Variants in FGF1 observed in about 807,000 individuals in gnomAD.
FGF1 encodes the protein beta-endothelial cell growth factor.
In FGF1, 9 loss-of-function variants were observed where a neutral mutation model predicts 13.4. The observed-to-expected ratio is 0.67, with a 90% CI of 0.40 to 1.17. FGF1 has a LOEUF of 1.17. Among genes scored for constraint, FGF1 ranks in the 50% most tolerant of loss-of-function variants. The pLI is 0.01. For missense variants in FGF1, 156 were observed against 192.7 expected (o/e 0.81, Z 1.13); for synonymous variants, 93 against 79.0 (o/e 1.18, Z -0.94).
intron 2 of FGF1, among the ~76,000 whole-genome samples, chr5:142,606,212 C>CTGTGTGTG (rs1430289422): frequency 0.011 from 677 of 60,062 alleles, 10 homozygotes; most frequent in African/African-American, 0.059. Flanking sequence ...AACATTCTTT[C>CTGTGTGTG]TCTCTCTGTG....
At position 142,595,249 on chromosome 5, in the gene FGF1, CGAAACTTCTCTGGAG is replaced by C. The variant is rs779013111; in HGVS notation, c.*26_*40del. Reference sequence around the variant, plus strand: ...TTGGGTCAACCAGGTGAGGACCCCTCGAAACTTCTCTGGAGTGGTCAACACCCAGAACAGATCTCT... The same window carrying C: ...TTGGGTCAACCAGGTGAGGACCCCTCTGGTCAACACCCAGAACAGATCTCT... On this transcript the variant is annotated 3_prime_UTR_variant, in exon 4 of 4. Coordinates refer to ENST00000337706, the MANE Select transcript of FGF1 (RefSeq NM_000800.5). The C allele has an allele frequency of 6.4e-7, 1 of 1,574,760 alleles. No individual in the cohort carries two copies. The highest frequency in any genetic ancestry group is 1.2e-5 in the South Asian group (1 of 85,452).
intron 1 of FGF1, among the ~76,000 whole-genome samples, chr5:142,655,280 T>A (rs1184652138): frequency 6.6e-6 from 1 of 152,208 alleles, no homozygotes; most frequent in Non-Finnish European, 1.5e-5. Flanking sequence ...TAACACTGCC[T>A]AGGTATCACA....
intron 1 of FGF1, among the ~76,000 whole-genome samples, chr5:142,637,315 G>A (rs905110080): frequency 3.5e-5 from 4 of 114,384 alleles, no homozygotes; most frequent in African/African-American, 7.2e-5. Flanking sequence ...GAAGAACCAC[G>A]GCGTTTTTGT....
rs1034583798 is a variant in FGF1 at position 142,593,578 on chromosome 5, T to C, written c.*1712A>G. 1 of 152,214 alleles carries C rather than the reference T, an allele frequency of 6.6e-6. No individual in the cohort carries two copies. The highest frequency in any genetic ancestry group is 1.5e-5 in the Non-Finnish European group (1 of 68,046). 9.4% of individuals were successfully genotyped at this position (152,214 alleles called of 1,614,324 possible). A position where few individuals can be genotyped will look rare whatever the true frequency, so the allele number is the denominator to read the frequency against. On this transcript the variant is annotated 3_prime_UTR_variant, in exon 4 of 4. Transcript: ENST00000337706. ...GAGCTAACACTCTCATCAATTTTTATTCACAATTACCATTGCTTAAGAGTT... is the reference window on the plus strand; with the variant it reads ...GAGCTAACACTCTCATCAATTTTTACTCACAATTACCATTGCTTAAGAGTT...
At chr5:142,618,920 A>AT (rs1561571080) in intron 1 of FGF1, among the ~76,000 whole-genome samples, 4 of 97,054 alleles carry the variant, frequency 4.1e-5, no homozygotes, top group East Asian at 3.8e-4. Flanking sequence ...TTTATTTTTT[A>AT]GTTGTTTTGT....
chr5:142,623,197 A>G (rs1761927647), intron 1 of FGF1, among the ~76,000 whole-genome samples: 1 of 152,198 alleles, frequency 6.6e-6, no homozygotes, highest in Non-Finnish European at 1.5e-5. Flanking sequence ...TAAATGACTC[A>G]TTCTCACAGT....
intron 1 of FGF1, among the ~76,000 whole-genome samples, chr5:142,633,951 G>A (rs1375664842): frequency 1.3e-5 from 2 of 151,678 alleles, no homozygotes; most frequent in African/African-American, 2.4e-5. Flanking sequence ...TTGGGAGGCC[G>A]AGACGGGCGG....
intron 1 of FGF1, among the ~76,000 whole-genome samples, chr5:142,658,286 T>C (rs1768533770): frequency 6.6e-6 from 1 of 152,258 alleles, no homozygotes; most frequent in Admixed American, 6.5e-5. Flanking sequence ...GCCTTATCCA[T>C]GGCAATTGCT....
At chr5:142,613,831 T>G in intron 2 of FGF1, 128 bp downstream of exon 2, 6 of 980,754 alleles carry the variant, frequency 6.1e-6, no homozygotes, top group Non-Finnish European at 8.9e-6. Flanking sequence ...TGACTCCACC[T>G]CTGAATGTGT....
intron 2 of FGF1, among the ~76,000 whole-genome samples, chr5:142,696,108 A>C (rs6876887): frequency 0.21 from 32,012 of 152,098 alleles, 5,305 homozygotes; most frequent in African/African-American, 0.46. Flanking sequence ...ACAGACAAGC[A>C]TCCTGCTGTC....
At chr5:142,696,597 G>A (rs146013026) in intron 2 of FGF1, among the ~76,000 whole-genome samples, 2 of 152,200 alleles carry the variant, frequency 1.3e-5, no homozygotes, top group East Asian at 3.8e-4. Context: ...CAATGGGCAG[G>A]TCTTCCTGGA....
intron 2 of FGF1, chr5:142,601,173 C>T: frequency 2.0e-6 from 1 of 499,298 alleles, no homozygotes; most frequent in Non-Finnish European, 4.0e-6. Flanking sequence ...CGGGCTCCCT[C>T]ATCCCTGCAA....
At chr5:142,615,329 T>A (rs954868958) in intron 1 of FGF1, among the ~76,000 whole-genome samples, 2 of 152,118 alleles carry the variant, frequency 1.3e-5, no homozygotes, top group African/African-American at 2.4e-5. Flanking sequence ...GTTCAAGCAA[T>A]TCTCCTGCCT....
At chr5:142,660,320 G>T (rs143399666) in intron 1 of FGF1, among the ~76,000 whole-genome samples, 351 of 152,380 alleles carry the variant, frequency 2.3e-3, no homozygotes, top group African/African-American at 7.9e-3. Flanking sequence ...CCCCGGCACA[G>T]GGTCTCCAGC....
At chr5:142,607,853 AG>A (rs1464940722) in intron 2 of FGF1, among the ~76,000 whole-genome samples, 1 of 152,160 alleles carries the variant, frequency 6.6e-6, no homozygotes, top group African/African-American at 2.4e-5. Context: ...ACCTACATAA[AG>A]GGGAGCCCAG....
At chr5:142,601,859 T>C (rs1756637747) in intron 2 of FGF1, among the ~76,000 whole-genome samples, 1 of 152,236 alleles carries the variant, frequency 6.6e-6, no homozygotes, top group Admixed American at 6.5e-5. Flanking sequence ...GTCCATTTGA[T>C]AATTATTAAC....
At chr5:142,694,107 C>G (rs1013292243) in intron 2 of FGF1, among the ~76,000 whole-genome samples, 2 of 150,574 alleles carry the variant, frequency 1.3e-5, no homozygotes, top group East Asian at 2.0e-4. Context: ...ATCTATCTAT[C>G]TATCTATCTA....
At chr5:142,641,318 G>A (rs1220128227) in intron 1 of FGF1, among the ~76,000 whole-genome samples, 1 of 151,968 alleles carries the variant, frequency 6.6e-6, no homozygotes, top group African/African-American at 2.4e-5. Context: ...TCTGCTGTCT[G>A]GTTAGCTGGT....
In FGF1 at chr5:142,619,821, G is replaced by A. The variant is rs547041802; in HGVS notation, c.-34-5660C>T. On this transcript the variant is annotated intron_variant, in intron 1 of 3. Coordinates refer to ENST00000337706, the MANE Select transcript of FGF1 (RefSeq NM_000800.5). ...GCACTCCAGCCTGAGCAACAACAGC[G>A]AAACTCCGTCTCAAGAAAAACCAAA... Among the ~76,000 whole-genome samples the A allele has an allele frequency of 4.2e-4, 61 of 145,434 alleles. 1 individual carries two copies. The highest frequency in any genetic ancestry group is 2.8e-3 in the Admixed American group (40 of 14,318).
Sources: allele counts gnomAD v4.1 joint callset (sites outside exome capture counted in the v4.1 genomes callset), GRCh38; gene constraint gnomAD v4.1.1; transcripts MANE v1.5; gene names NCBI Gene and HGNC (gene_info 2026-07-23, HGNC 2026-07-21).